LRP2: variants seen among roughly 807,000 people sequenced by gnomAD.
The protein encoded by LRP2 is LDL receptor related protein 2.
LRP2 carries 172 observed loss-of-function variants against 531.0 expected under a neutral mutation model. The ratio of observed to expected loss-of-function variants is 0.32; its 90% CI spans 0.29 to 0.37. LRP2 has a LOEUF of 0.37. LRP2 is among the 10% of genes least tolerant of loss of function. LRP2 has a pLI of 1.00. For missense variants in LRP2, 5,167 were observed against 5,868.3 expected, an observed-to-expected ratio of 0.88 and a Z score of 3.90; for synonymous variants, 1,992 against 2,027.6, an observed-to-expected ratio of 0.98 and a Z score of 0.47.
At position 169,150,768 on chromosome 2, in the gene LRP2, T is replaced by C; in HGVS notation, c.12590+130A>G. ...CATGTTATAATTCTTGAAACAGTCA[T>C]AGACGCTACTCCCAAAAACTTGAAG... On this transcript the variant is annotated intron_variant, in intron 68 of 78. Coordinates refer to ENST00000649046, the MANE Select transcript of LRP2 (RefSeq NM_004525.3). The C allele has an allele frequency of 3.9e-6, 4 of 1,030,108 alleles. No homozygotes were observed. In the South Asian group the frequency reaches 4.1e-5, roughly 11 times the overall value. The allele number at this position is 1,030,108 out of a possible 1,614,324, so 63.8% of individuals were successfully genotyped here.
chr2:169,206,349 A>T lies in LRP2; in HGVS notation c.7371T>A (p.Thr2457=), dbSNP rs142471619. The T allele has an allele frequency of 6.3e-5, 102 of 1,614,000 alleles. No individual in the cohort carries two copies. The highest frequency in any genetic ancestry group is 1.0e-4 in the Admixed American group (6 of 59,990). The part of the protein sequence containing the change: ...SYATLSSGIH[T]PTVIASGIGT... ...ACTTACCTGAAGCAATGACAGTTGG[A>T]GTATGGATCCCTGAAGACAGGGTGG... The change falls in exon 39 of 79, where the codon ACT becomes ACA. Residue 2457 remains threonine (T), a synonymous_variant. Transcript: ENST00000649046.
intron 1 of LRP2, among the ~76,000 whole-genome samples, chr2:169,351,310 T>A (rs1201064020): frequency 6.6e-6 from 1 of 152,264 alleles, no homozygotes; most frequent in Non-Finnish European, 1.5e-5. Flanking sequence ...ACAGTGGATA[T>A]AGGCACATCT....
chr2:169,226,524 C>T lies in LRP2; in HGVS notation c.5292G>A (p.Glu1764=). The T allele has an allele frequency of 6.2e-7, 1 of 1,613,266 alleles. No homozygotes were observed. Among genetic ancestry groups the T allele is most frequent in the Non-Finnish European group, 8.5e-7 (1 of 1,179,318 alleles). ...HIIFGISLNP[E]VKSNDAMVPI... ...GGACCATAGCATCATTGCTCTTCAC[C>T]TCAGGATTAAGGGAGATTCCAAAAA... Residue 1764 remains glutamate (E), a synonymous_variant, in exon 32 of 79, where the codon GAG becomes GAA. Transcript: ENST00000649046.
intron 11 of LRP2, 66 bp downstream of exon 11, chr2:169,280,284 T>C (rs916217556): frequency 2.3e-5 from 36 of 1,584,746 alleles, no homozygotes; most frequent in Non-Finnish European, 2.9e-5. Flanking sequence ...CTACTCCCTC[T>C]AAAAGTGAAA....
At chr2:169,234,652 G>C (rs904385285) in intron 29 of LRP2, among the ~76,000 whole-genome samples, 2 of 152,128 alleles carry the variant, frequency 1.3e-5, no homozygotes, top group African/African-American at 4.8e-5. Flanking sequence ...TAATGGGATT[G>C]CTGGGTCAAA....
intron 71 of LRP2, among the ~76,000 whole-genome samples, chr2:169,140,818 C>T (rs1292400860): frequency 2.6e-5 from 4 of 152,154 alleles, no homozygotes; most frequent in Admixed American, 2.0e-4. Flanking sequence ...TTAATAGTTA[C>T]AAGAACCTAG....
intron 3 of LRP2, among the ~76,000 whole-genome samples, chr2:169,309,721 C>T (rs1684538230): frequency 6.6e-6 from 1 of 151,974 alleles, no homozygotes; most frequent in Non-Finnish European, 1.5e-5. Flanking sequence ...TTTTTTGGTT[C>T]CATATGAACT....
chr2:169,198,757 TAGAA>T, intron 45 of LRP2, 25 bp downstream of exon 45: 1 of 1,611,006 alleles, frequency 6.2e-7, no homozygotes, highest in Non-Finnish European at 8.5e-7. Context: ...TCTGGAACGA[TAGAA>T]AGAAAGCAGT....
rs906572341 is a variant in LRP2 at position 169,185,580 on chromosome 2, C to G, written c.9768G>C (p.Leu3256=). ...TQRQVIERMF[L]NKTNKETIIN... is the part of the protein sequence containing the mutation. ...TGATTGTCTCCTTGTTTGTCTTATT[C>G]AGAAACATTCTCTCAATGACTTGCC... is the stretch of plus-strand genomic sequence containing the variant. The change falls in exon 50 of 79, where the codon CTG becomes CTC. Residue 3256 remains leucine, a synonymous_variant. Coordinates refer to ENST00000649046, the MANE Select transcript of LRP2 (RefSeq NM_004525.3). 4 of 1,613,892 alleles carry G rather than the reference C, an allele frequency of 2.5e-6. No homozygotes were observed. The African/African-American group carries it at 5.3e-5, about 22-fold the overall frequency.
chr2:169,360,941 G>A (rs1470922850), intron 1 of LRP2, among the ~76,000 whole-genome samples: 1 of 152,102 alleles, frequency 6.6e-6, no homozygotes, highest in Non-Finnish European at 1.5e-5. Context: ...TACATGCCAC[G>A]GCCCATCCAC....
chr2:169,226,408 T>G lies in LRP2; in HGVS notation c.5394+14A>C. The G allele has an allele frequency of 6.3e-7, 1 of 1,597,118 alleles. No individual in the cohort carries two copies. The highest frequency in any genetic ancestry group is 8.6e-7 in the Non-Finnish European group (1 of 1,164,992). ...AGAATAAATTATATACTTTGAATGT[T>G]ATTCAAAACTTACTGGATTTTCAAC... is the stretch of plus-strand genomic sequence containing the variant. On this transcript the variant is annotated intron_variant, in intron 32 of 78. Coordinates refer to ENST00000649046, the MANE Select transcript of LRP2 (RefSeq NM_004525.3).
At chr2:169,281,992 G>A (rs1360858988) in intron 10 of LRP2, among the ~76,000 whole-genome samples, 2 of 152,034 alleles carry the variant, frequency 1.3e-5, no homozygotes, top group Non-Finnish European at 2.9e-5. Context: ...GAGGGGAATA[G>A]TTATGGAGGA....
rs148378668 is a variant in LRP2, at chr2:169,176,814, C to T, written c.10394-226G>A. ...TCATTTATATGCTACCAGAAGTGAG[C>T]TATACCCACTGGTGTTTCTGACTAG... On this transcript the variant is annotated intron_variant, in intron 53 of 78. Coordinates refer to ENST00000649046, the MANE Select transcript of LRP2 (RefSeq NM_004525.3). 9.5e-3 allele frequency among the ~76,000 whole-genome samples: 1,453 copies of T among 152,296 alleles called. 23 individuals are homozygous for T. The highest frequency in any genetic ancestry group is 0.033 in the African/African-American group (1,369 of 41,546).
At chr2:169,299,572 A>G (rs927506510) in intron 4 of LRP2, among the ~76,000 whole-genome samples, 10 of 152,086 alleles carry the variant, frequency 6.6e-5, no homozygotes, top group Admixed American at 1.3e-4. Context: ...GCTCTATTAC[A>G]AAAGTGACCG....
In LRP2 at chr2:169,282,937, G is replaced by A. The variant is rs549093283; in HGVS notation, c.1107C>T (p.His369=). 7.0e-5 allele frequency: 113 copies of A among 1,614,048 alleles called. 2 individuals are homozygous for A. In the South Asian group the frequency reaches 1.1e-3, roughly 16 times the overall value. Residue 369 remains histidine, a synonymous_variant, in exon 10 of 79, where the codon CAC becomes CAT. Coordinates refer to ENST00000649046, the MANE Select transcript of LRP2 (RefSeq NM_004525.3). ...DQKCESRPGR[H]LCHCEEGYIL... is the part of the protein sequence containing the mutation. ...TATACCCTTCTTCACAGTGGCACAGGTGACGGCCAGGTCGGCTTTCACACT... is the reference window on the plus strand; with the variant it reads ...TATACCCTTCTTCACAGTGGCACAGATGACGGCCAGGTCGGCTTTCACACT...
intron 68 of LRP2, among the ~76,000 whole-genome samples, chr2:169,147,300 G>A (rs1002124083): frequency 9.2e-5 from 14 of 152,190 alleles, no homozygotes; most frequent in African/African-American, 3.4e-4. Flanking sequence ...ACTGTTCTGT[G>A]TTTGGGATCT....
chr2:169,320,876 T>C lies in LRP2; in HGVS notation c.88A>G (p.Ser30Gly). 6.2e-7 allele frequency: 1 copy of C among 1,610,622 alleles called. No homozygotes were observed. The highest frequency in any genetic ancestry group is 8.5e-7 in the Non-Finnish European group (1 of 1,176,764). ...CCACTTCCACAGCGAAAATGCGCACTGTCACATTCTGCAATAATAGACAGA... is the reference window on the plus strand; with the variant it reads ...CCACTTCCACAGCGAAAATGCGCACCGTCACATTCTGCAATAATAGACAGA... Reference protein sequence around the residue: ...LAPASGQECDSAHFRCGSGHC... With the variant: ...LAPASGQECDGAHFRCGSGHC... The change falls in exon 2 of 79, where the codon AGT (serine) becomes GGT (glycine). Residue 30 changes from serine (S) to glycine (G), a missense_variant. Physicochemically the swap from Ser to Gly is moderately conservative, Grantham distance 56. Coordinates refer to ENST00000649046, the MANE Select transcript of LRP2 (RefSeq NM_004525.3).
chr2:169,294,060 T>C lies in LRP2; in HGVS notation c.652+88A>G. ...CTCCTTGAAAAAAGAGGTACATTGG[T>C]GGGGGAGCGGGGGGATAAAACAAAA... is the stretch of plus-strand genomic sequence containing the variant. On this transcript the variant is annotated intron_variant, in intron 6 of 78. Coordinates refer to ENST00000649046, the MANE Select transcript of LRP2 (RefSeq NM_004525.3). 3.4e-6 allele frequency: 3 copies of C among 872,468 alleles called. No homozygotes were observed. In the South Asian group the frequency reaches 4.0e-5, roughly 12 times the overall value. The allele number at this position is 872,468 out of a possible 1,614,324, so 54.0% of individuals were successfully genotyped here. A position where few individuals can be genotyped will look rare whatever the true frequency, so the allele number is the denominator to read the frequency against.
rs868444553 is a variant in LRP2 at position 169,145,780 on chromosome 2, G to A, written c.12955C>T (p.Arg4319Ter). 2 of 1,614,058 alleles carry A rather than the reference G, an allele frequency of 1.2e-6. No individual in the cohort carries two copies. The highest frequency in any genetic ancestry group is 1.7e-5 in the Admixed American group (1 of 60,012). ...TTGTATCTGAGTTGATGAAAGATTC[G>A]AACTTGAGTGAGCCAAGGGTTCACT... ...LVVNPWLTQV[R>*]IFHQLRYNKS... Residue 4319 changes from arginine to a stop codon, truncating the protein, a stop_gained, in exon 70 of 79, where the codon CGA becomes TGA. Coordinates refer to ENST00000649046, the MANE Select transcript of LRP2 (RefSeq NM_004525.3). LOFTEE classifies it high-confidence loss of function.
Sources: allele counts gnomAD v4.1 joint callset (sites outside exome capture counted in the v4.1 genomes callset), GRCh38; gene constraint gnomAD v4.1.1; transcripts MANE v1.5; gene names NCBI Gene and HGNC (gene_info 2026-07-23, HGNC 2026-07-21).